SHTN1: variants seen among roughly 807,000 people sequenced by gnomAD.
The protein encoded by SHTN1 is shootin 1, also known as shootin-1.
SHTN1 carries 42 observed loss-of-function variants against 83.1 expected under a neutral mutation model. That is an observed-to-expected ratio of 0.51 (90% CI 0.39 to 0.65). The LOEUF (loss-of-function observed/expected upper bound fraction) is 0.65. Among genes scored for constraint, SHTN1 ranks in the 30% least tolerant of loss-of-function variants. The pLI, the probability that SHTN1 is intolerant of heterozygous loss-of-function variation, is 0.00. For missense variants in SHTN1, 622 were observed against 737.8 expected, an observed-to-expected ratio of 0.84 and a Z score of 1.82; for synonymous variants, 224 against 247.7, an observed-to-expected ratio of 0.90 and a Z score of 0.90.
At chr10:117,054,933 C>T (rs1344127628) in intron 1 of SHTN1, among the ~76,000 whole-genome samples, 3 of 152,048 alleles carry the variant, frequency 2.0e-5, no homozygotes, top group African/African-American at 4.8e-5. Context: ...AAACTGTATT[C>T]GTCTGTTTTC....
chr10:116,965,408 T>C (rs767725684), intron 3 of SHTN1, among the ~76,000 whole-genome samples: 3 of 152,112 alleles, frequency 2.0e-5, no homozygotes, highest in Non-Finnish European at 4.4e-5. Flanking sequence ...TCCAAGCTAC[T>C]TGGGAGAGTG....
intron 1 of SHTN1, among the ~76,000 whole-genome samples, chr10:117,056,227 A>G (rs1489324419): frequency 2.0e-5 from 3 of 152,260 alleles, no homozygotes; most frequent in African/African-American, 4.8e-5. Context: ...TGAGGTTAGT[A>G]TTACCCTGAT....
intron 1 of SHTN1, among the ~76,000 whole-genome samples, chr10:117,051,026 C>G (rs1661384416): frequency 6.6e-6 from 1 of 152,158 alleles, no homozygotes; most frequent in South Asian, 2.1e-4. Context: ...TCCTGCACTA[C>G]AGTCTGGGTG....
At chr10:116,891,624 G>GC (rs1384302700) in intron 16 of SHTN1, among the ~76,000 whole-genome samples, 1 of 152,038 alleles carries the variant, frequency 6.6e-6, no homozygotes, top group Non-Finnish European at 1.5e-5. Flanking sequence ...TTTTTTCCAA[G>GC]CCCTTTATAC....
intron 7 of SHTN1, among the ~76,000 whole-genome samples, chr10:116,948,204 C>T (rs1332787053): frequency 3.9e-5 from 6 of 152,228 alleles, no homozygotes; most frequent in Non-Finnish European, 4.4e-5. Flanking sequence ...CCGATGAGAG[C>T]TGATGCTGTG....
chr10:116,901,202 G>C (rs1847721387), intron 16 of SHTN1: 2 of 985,286 alleles, frequency 2.0e-6, no homozygotes, highest in Non-Finnish European at 2.4e-6. Context: ...TCCTCCACTA[G>C]ATCTGTCTGA....
chr10:116,935,538 T>C (rs1173188171), intron 9 of SHTN1, among the ~76,000 whole-genome samples: 1 of 152,174 alleles, frequency 6.6e-6, no homozygotes, highest in African/African-American at 2.4e-5. Flanking sequence ...GTAGATAAGC[T>C]TTTGGATGTG....
At chr10:117,126,277 G>A (rs370796944) in intron 1 of SHTN1, 2 of 158,302 alleles carry the variant, frequency 1.3e-5, no homozygotes, top group South Asian at 3.6e-4. Flanking sequence ...GGGCCCTGCC[G>A]CTAAAACCGT....
intron 3 of SHTN1, among the ~76,000 whole-genome samples, chr10:116,962,672 A>T (rs1166552804): frequency 1.3e-5 from 2 of 152,226 alleles, no homozygotes; most frequent in Non-Finnish European, 2.9e-5. Flanking sequence ...AACATTTTGT[A>T]AAAAGGTGCC....
At chr10:116,993,793 C>G (rs1172359347) in intron 1 of SHTN1, among the ~76,000 whole-genome samples, 1 of 152,006 alleles carries the variant, frequency 6.6e-6, no homozygotes, top group Non-Finnish European at 1.5e-5. Context: ...ACAAAGGTTT[C>G]GCAATCTCTT....
At chr10:117,088,037 A>G (rs77917459) in intron 1 of SHTN1, among the ~76,000 whole-genome samples, 2 of 152,230 alleles carry the variant, frequency 1.3e-5, no homozygotes, top group East Asian at 3.8e-4. Flanking sequence ...CCAAAATAAC[A>G]GGTCAAGTGT....
At chr10:116,956,744 T>C (rs1564897448) in intron 4 of SHTN1, among the ~76,000 whole-genome samples, 2 of 152,084 alleles carry the variant, frequency 1.3e-5, no homozygotes, top group East Asian at 3.9e-4. Context: ...TTAATGCCCC[T>C]ATCAAACCAG....
chr10:117,025,961 GGC>G (rs1180491783), intron 2 of SHTN1, among the ~76,000 whole-genome samples: 1 of 152,114 alleles, frequency 6.6e-6, no homozygotes, highest in Non-Finnish European at 1.5e-5. Context: ...GAGATGTGCT[GGC>G]TTCAGATGAA....
In SHTN1 at chr10:117,110,263, A is replaced by G. The variant is rs1853746063; in HGVS notation, c.-189+16044T>C. 2.0e-5 allele frequency among the ~76,000 whole-genome samples: 3 copies of G among 152,166 alleles called. No homozygotes were observed. The South Asian group carries it at 6.2e-4, about 32-fold the overall frequency. ...GCTTATTGTAATCCTCTATAAAACA[A>G]CCCCAGAAACTGCATTCACACATTG... On this transcript the variant is annotated intron_variant, in intron 1 of 17. Transcript: ENST00000392901.
chr10:117,001,997 A>G (rs563362511), intron 1 of SHTN1, among the ~76,000 whole-genome samples: 1 of 152,320 alleles, frequency 6.6e-6, no homozygotes, highest in Non-Finnish European at 1.5e-5. Context: ...AAAAGGTAAC[A>G]TTCTGCCCAT....
intron 1 of SHTN1, among the ~76,000 whole-genome samples, chr10:117,055,254 G>A (rs1589913832): frequency 6.6e-6 from 1 of 152,236 alleles, no homozygotes; most frequent in Non-Finnish European, 1.5e-5. Context: ...AATTCAAGAC[G>A]AGATTTGGGT....
chr10:116,926,557 G>A (rs137901194), intron 11 of SHTN1, among the ~76,000 whole-genome samples: 1 of 152,300 alleles, frequency 6.6e-6, no homozygotes, highest in East Asian at 1.9e-4. Flanking sequence ...GAAAACTAAT[G>A]AGAATCTTTT....
chr10:116,930,278 G>A (rs1313316393), intron 9 of SHTN1, among the ~76,000 whole-genome samples: 1 of 152,128 alleles, frequency 6.6e-6, no homozygotes, highest in African/African-American at 2.4e-5. Context: ...GTGCATGGTT[G>A]TTATATAGGT....
intron 2 of SHTN1, among the ~76,000 whole-genome samples, chr10:117,038,980 G>A (rs1204945243): frequency 2.0e-5 from 3 of 152,078 alleles, no homozygotes; most frequent in South Asian, 4.2e-4. Flanking sequence ...ATCCAGCATC[G>A]TCCTCTTTGG....
Sources: gnomAD v4.1 joint callset for allele counts (sites outside exome capture counted in the v4.1 genomes callset) on GRCh38, gnomAD v4.1.1 for gene constraint, MANE v1.5 for transcripts, NCBI Gene and HGNC (gene_info 2026-07-23, HGNC 2026-07-21) for gene names.